RAB22A: variants seen among roughly 807,000 people sequenced by gnomAD.
RAB22A encodes ras-related protein Rab-22A.
In RAB22A, 13 loss-of-function variants were observed where a neutral mutation model predicts 30.2. The ratio of observed to expected loss-of-function variants is 0.43; its 90% confidence interval spans 0.28 to 0.68. The LOEUF (loss-of-function observed/expected upper bound fraction) is 0.68. Ranked by LOEUF, RAB22A falls within the 30% of genes least tolerant of loss-of-function variation. The probability of loss-of-function intolerance (pLI) is 0.18; values close to 1 mark genes in which losing one functional copy is unlikely to be tolerated. For missense variants in RAB22A, 177 were observed against 246.8 expected (o/e 0.72, Z 1.89); for synonymous variants, 89 against 87.2 (o/e 1.02, Z -0.11).
intron 2 of RAB22A, among the ~76,000 whole-genome samples, chr20:58,328,972 T>C (rs1262720142): frequency 6.6e-6 from 1 of 152,212 alleles, no homozygotes; most frequent in Non-Finnish European, 1.5e-5. Flanking sequence ...AAAGAATTTC[T>C]TTGAGCATTT....
chr20:58,364,531 G>T lies in RAB22A; in HGVS notation c.*4828G>T, dbSNP rs1009451476. 6.6e-6 allele frequency: 1 copy of T among 152,002 alleles called. No individual in the cohort carries two copies. Among genetic ancestry groups the T allele is most frequent in the African/African-American group, 2.4e-5 (1 of 41,366 alleles). The allele number at this position is 152,002 out of a possible 1,614,324, so 9.4% of individuals were successfully genotyped here. ...AGATTAAGATGTATCATTAGTATAT[G>T]GTGAAATTAAAACCGTGGTGTCTAA... On this transcript the variant is annotated 3_prime_UTR_variant, in exon 7 of 7. Transcript: ENST00000244040.
chr20:58,324,316 T>A (rs1335787763), intron 2 of RAB22A, among the ~76,000 whole-genome samples: 1 of 148,726 alleles, frequency 6.7e-6, no homozygotes, highest in Non-Finnish European at 1.5e-5. Context: ...TTTTTTTTTT[T>A]AAGGATTTTG....
chr20:58,317,749 G>A (rs577896478), intron 2 of RAB22A, among the ~76,000 whole-genome samples: 42 of 151,326 alleles, frequency 2.8e-4, no homozygotes, highest in East Asian at 5.9e-4. Context: ...TAGTAGAGAC[G>A]GGGTTTCACC....
intron 3 of RAB22A, among the ~76,000 whole-genome samples, chr20:58,345,053 C>A (rs1986923102): frequency 1.3e-5 from 2 of 152,168 alleles, no homozygotes. Context: ...TTACCAGAAT[C>A]CTGAATATAT....
chr20:58,337,012 C>T (rs1215878781), intron 2 of RAB22A, among the ~76,000 whole-genome samples: 1 of 152,164 alleles, frequency 6.6e-6, no homozygotes, highest in Non-Finnish European at 1.5e-5. Flanking sequence ...CCCATCTTCT[C>T]CCTCAACTTT....
intron 3 of RAB22A, among the ~76,000 whole-genome samples, chr20:58,350,050 C>T (rs549747136): frequency 1.3e-5 from 2 of 151,674 alleles, no homozygotes; most frequent in South Asian, 2.1e-4. Flanking sequence ...TTGCTTGAGT[C>T]GAGGAGTTCC....
chr20:58,359,377 T>C (rs1987185286), intron 6 of RAB22A, among the ~76,000 whole-genome samples: 1 of 152,122 alleles, frequency 6.6e-6, no homozygotes, highest in African/African-American at 2.4e-5. Flanking sequence ...TTTTGACAAA[T>C]GTCCCATGGT....
intron 2 of RAB22A, among the ~76,000 whole-genome samples, chr20:58,312,655 A>AT (rs1228194808): frequency 2.7e-5 from 4 of 149,164 alleles, no homozygotes; most frequent in African/African-American, 4.9e-5. Context: ...TGCCTGGCTA[A>AT]TTTTTTTTTG....
chr20:58,315,041 C>T (rs1321404171), intron 2 of RAB22A, among the ~76,000 whole-genome samples: 1 of 151,912 alleles, frequency 6.6e-6, no homozygotes, highest in African/African-American at 2.4e-5. Flanking sequence ...GGAGAGACGG[C>T]AGGGTGGTTG....
intron 2 of RAB22A, among the ~76,000 whole-genome samples, chr20:58,331,584 G>C (rs1427432388): frequency 1.3e-5 from 2 of 151,964 alleles, no homozygotes; most frequent in Non-Finnish European, 2.9e-5. Context: ...TGTAGAGTTT[G>C]ACTAAATATA....
chr20:58,314,836 A>T (rs888411786), intron 2 of RAB22A, among the ~76,000 whole-genome samples: 3 of 151,832 alleles, frequency 2.0e-5, no homozygotes, highest in Non-Finnish European at 4.4e-5. Flanking sequence ...GCAAGACTCC[A>T]TCTCAAAAAA....
At chr20:58,351,112 G>A (rs1437237480) in intron 3 of RAB22A, among the ~76,000 whole-genome samples, 1 of 152,112 alleles carries the variant, frequency 6.6e-6, no homozygotes, top group Middle Eastern at 3.2e-3. Context: ...GGCCACGACA[G>A]GTAGATTTGA....
chr20:58,339,808 C>G (rs2122955536), intron 2 of RAB22A, among the ~76,000 whole-genome samples: 2 of 152,210 alleles, frequency 1.3e-5, no homozygotes, highest in Admixed American at 6.5e-5. Context: ...TGTAGTTAAA[C>G]TAAAATCAAG....
Position 58,312,279 on chromosome 20 carries a change from CT to C in RAB22A, c.116+1174del, listed in dbSNP as rs200841573. ...CTATGTGTTCAATATTTTTTGTCTG[CT>C]TTTTTTTTTTTTTTTTCACCCAGGC... is the stretch of plus-strand genomic sequence containing the variant. On this transcript the variant is annotated intron_variant, in intron 2 of 6. Transcript: ENST00000244040. Among the ~76,000 whole-genome samples the C allele has an allele frequency of 5.4e-3, 723 of 134,278 alleles. 4 individuals carry two copies. Among genetic ancestry groups the C allele is most frequent in the African/African-American group, 0.011 (397 of 36,680 alleles). 88.1% of individuals were successfully genotyped at this position (134,278 alleles called of 152,430 possible).
chr20:58,359,565 A>G (rs771969157), intron 6 of RAB22A, 41 bp from the exon 7 acceptor site: 9 of 1,456,726 alleles, frequency 6.2e-6, no homozygotes, highest in Non-Finnish European at 2.8e-6. Flanking sequence ...TGTCTGAGAA[A>G]GTTAAAGCTC....
At position 58,309,753 on chromosome 20, in the gene RAB22A, G is replaced by A. The variant is rs1161448059; in HGVS notation, c.-224G>A. 1.1e-5 allele frequency: 3 copies of A among 278,588 alleles called. No individual in the cohort carries two copies. Among genetic ancestry groups the A allele is most frequent in the African/African-American group, 2.3e-5 (1 of 44,362 alleles). The allele number at this position is 278,588 out of a possible 1,614,324, so 17.3% of individuals were successfully genotyped here. On this transcript the variant is annotated 5_prime_UTR_variant, in exon 1 of 7. Coordinates refer to ENST00000244040, the MANE Select transcript of RAB22A (RefSeq NM_020673.3). ...GGCGTCCCAAGATGGCGGCGGCGGC[G>A]GCTCCCGGAAGGCCGCGGCGGCGTC...
chr20:58,359,436 A>G (rs1987186974), intron 6 of RAB22A, among the ~76,000 whole-genome samples, 170 bp from the exon 7 acceptor site: 1 of 151,968 alleles, frequency 6.6e-6, no homozygotes, highest in Admixed American at 6.6e-5. Context: ...CAGGAGCTCT[A>G]TCATCTTTGC....
Position 58,354,264 on chromosome 20 carries a change from T to C in RAB22A, c.486T>C (p.Ile162=). 1 of 1,600,138 alleles carries C rather than the reference T, an allele frequency of 6.2e-7. No homozygotes were observed. Among genetic ancestry groups the C allele is most frequent in the Non-Finnish European group, 8.6e-7 (1 of 1,168,634 alleles). ...AININELFIE[I]SRRIPSTDAN... Reference sequence around the variant, plus strand: ...ACATAAATGAACTCTTTATAGAAATTAGTGAGTATCTCTGTGCCTTATCCA... The same window carrying C: ...ACATAAATGAACTCTTTATAGAAATCAGTGAGTATCTCTGTGCCTTATCCA... The change falls in exon 6 of 7, where the codon ATT becomes ATC. Residue 162 remains isoleucine (I), a splice_region_variant and synonymous_variant. Transcript: ENST00000244040.
Position 58,367,481 on chromosome 20 carries a change from T to A in RAB22A, c.*7778T>A, listed in dbSNP as rs1279937257. ...TGTAAGAAGGGTGTAAACATTTTGT[T>A]AATAAAATGCTATGTTTACAAATAT... On this transcript the variant is annotated 3_prime_UTR_variant, in exon 7 of 7. Transcript: ENST00000244040. The A allele has an allele frequency of 6.6e-6, 1 of 152,654 alleles. No individual in the cohort carries two copies. Among genetic ancestry groups the A allele is most frequent in the Non-Finnish European group, 1.5e-5 (1 of 68,038 alleles). The allele number at this position is 152,654 out of a possible 1,614,324, so 9.5% of individuals were successfully genotyped here.
Sources: allele counts gnomAD v4.1 joint callset (sites outside exome capture counted in the v4.1 genomes callset), GRCh38; gene constraint gnomAD v4.1.1; transcripts MANE v1.5; gene names NCBI Gene and HGNC (gene_info 2026-07-23, HGNC 2026-07-21).